Variants in F13A1 observed in about 807,000 individuals in gnomAD.
F13A1 encodes FSF, A subunit.
In F13A1, 47 loss-of-function variants were observed where a neutral mutation model predicts 80.1. The observed-to-expected ratio is 0.59, with a 90% confidence interval of 0.46 to 0.75. The LOEUF (loss-of-function observed/expected upper bound fraction) is 0.75, where lower values mean the gene tolerates loss of function less well. Ranked by LOEUF, F13A1 falls within the 30% of genes least tolerant of loss-of-function variation. The probability of loss-of-function intolerance (pLI) is 0.00; values close to 1 mark genes in which losing one functional copy is unlikely to be tolerated. For missense variants in F13A1, 817 were observed against 930.4 expected (o/e 0.88, Z 1.59); for synonymous variants, 349 against 344.9 (o/e 1.01, Z -0.13).
intron 6 of F13A1, among the ~76,000 whole-genome samples, chr6:6,228,731 C>CAAAAAAA (rs35068752): frequency 1.4e-5 from 1 of 72,682 alleles, no homozygotes; most frequent in Non-Finnish European, 2.7e-5. Flanking sequence ...GATCCTGTCT[C>CAAAAAAA]AAAAAAAAAA....
At chr6:6,209,924 A>C (rs1761571920) in intron 8 of F13A1, among the ~76,000 whole-genome samples, 1 of 152,086 alleles carries the variant, frequency 6.6e-6, no homozygotes, top group Non-Finnish European at 1.5e-5. Flanking sequence ...GTTATACAAG[A>C]CCACAAATAT....
intron 3 of F13A1, among the ~76,000 whole-genome samples, chr6:6,279,283 C>T: frequency 6.6e-6 from 1 of 152,120 alleles, no homozygotes; most frequent in East Asian, 1.9e-4. Context: ...TCTATCAATC[C>T]ATGAAGGCTA....
chr6:6,169,267 G>A (rs1008157211), intron 12 of F13A1: 1 of 152,434 alleles, frequency 6.6e-6, no homozygotes, highest in Non-Finnish European at 1.5e-5. Flanking sequence ...TGGAAGGGAT[G>A]GCTTTCCAGT....
chr6:6,238,520 T>G (rs1757442130), intron 6 of F13A1, among the ~76,000 whole-genome samples: 1 of 152,188 alleles, frequency 6.6e-6, no homozygotes, highest in African/African-American at 2.4e-5. Context: ...ATGAAAAAAT[T>G]TGATTTTATA....
chr6:6,305,257 A>T (rs1423038143), intron 3 of F13A1, 94 bp downstream of exon 3: 2 of 1,383,942 alleles, frequency 1.4e-6, no homozygotes, highest in Non-Finnish European at 2.1e-6. Flanking sequence ...CTGTTGACAT[A>T]TGACACTAGG....
chr6:6,191,325 C>T (rs564920899), intron 10 of F13A1, among the ~76,000 whole-genome samples: 3 of 152,332 alleles, frequency 2.0e-5, no homozygotes, highest in East Asian at 1.9e-4. Flanking sequence ...TGTGAAAGCC[C>T]TACATTTACG....
intron 2 of F13A1, among the ~76,000 whole-genome samples, chr6:6,312,010 T>TTA (rs1281719274): frequency 6.8e-6 from 1 of 147,966 alleles, no homozygotes; most frequent in South Asian, 2.1e-4. Flanking sequence ...TGTATATATA[T>TTA]TATATATAAG....
At chr6:6,223,722 T>C (rs1757233520) in intron 7 of F13A1, among the ~76,000 whole-genome samples, 1 of 152,166 alleles carries the variant, frequency 6.6e-6, no homozygotes. Context: ...TCTTAGACTG[T>C]TGAGACTTTG....
chr6:6,176,615 C>A (rs1172401067), intron 11 of F13A1, among the ~76,000 whole-genome samples: 2 of 152,094 alleles, frequency 1.3e-5, no homozygotes, highest in Admixed American at 6.5e-5. Flanking sequence ...TGGTCTAGGA[C>A]AAGCATCAGC....
At chr6:6,146,055 T>C (rs1173291272) in intron 14 of F13A1, among the ~76,000 whole-genome samples, 5 of 152,108 alleles carry the variant, frequency 3.3e-5, no homozygotes, top group Non-Finnish European at 5.9e-5. Flanking sequence ...CTGATTCCCA[T>C]CCAACCATTA....
In F13A1 at chr6:6,202,990, C is replaced by T. The variant is rs190415622; in HGVS notation, c.1113-5664G>A. 1.9e-3 allele frequency among the ~76,000 whole-genome samples: 291 copies of T among 152,140 alleles called. 1 individual carries two copies. Among genetic ancestry groups the T allele is most frequent in the African/African-American group, 6.5e-3 (270 of 41,496 alleles). Reference sequence around the variant, plus strand: ...AATCCATGTGCTTTGAATTTGTACACGGGAAATAATCATACAAATGCAAAG... The same window carrying T: ...AATCCATGTGCTTTGAATTTGTACATGGGAAATAATCATACAAATGCAAAG... On this transcript the variant is annotated intron_variant, in intron 8 of 14. Coordinates refer to ENST00000264870, the MANE Select transcript of F13A1 (RefSeq NM_000129.4).
At chr6:6,156,112 T>C (rs1255374299) in intron 13 of F13A1, among the ~76,000 whole-genome samples, 1 of 152,218 alleles carries the variant, frequency 6.6e-6, no homozygotes, top group East Asian at 1.9e-4. Context: ...CTTTTGCATA[T>C]ACTTGATGGC....
intron 8 of F13A1, among the ~76,000 whole-genome samples, chr6:6,199,762 G>A (rs1761359173): frequency 6.6e-6 from 1 of 152,190 alleles, no homozygotes; most frequent in Non-Finnish European, 1.5e-5. Flanking sequence ...GCAAATCTCT[G>A]TTCGTGGAAG....
rs1456791064 is a variant in F13A1, at chr6:6,162,914, C to T, written c.1908+4544G>A. On this transcript the variant is annotated intron_variant, in intron 13 of 14. Coordinates refer to ENST00000264870, the MANE Select transcript of F13A1 (RefSeq NM_000129.4). This position sits in a 1 kb window ranked among gnomAD's most constrained non-coding sequence, Gnocchi z 4.2. ...GCTACAAGGCACTGCCTTCTCTGGT[C>T]CTCTCAGTTTTCTAATCAGTAAAAT... is the stretch of plus-strand genomic sequence containing the variant. Among the ~76,000 whole-genome samples, 1 of 152,218 alleles carries T rather than the reference C, an allele frequency of 6.6e-6. No individual in the cohort carries two copies. Among genetic ancestry groups the T allele is most frequent in the African/African-American group, 2.4e-5 (1 of 41,454 alleles).
Position 6,151,800 on chromosome 6 carries a change from A to G in F13A1, c.2045+13T>C, listed in dbSNP as rs1760381799. On this transcript the variant is annotated intron_variant, in intron 14 of 14. Transcript: ENST00000264870. ...CTGCACTGCCTGCCCGGTCTCCCCA[A>G]CCCAAGGTTTACCGGAACATCTTCT... The G allele has an allele frequency of 6.2e-7, 1 of 1,613,854 alleles. No homozygotes were observed. Among genetic ancestry groups the G allele is most frequent in the South Asian group, 1.1e-5 (1 of 91,080 alleles).
At chr6:6,281,732 G>A (rs1416743195) in intron 3 of F13A1, among the ~76,000 whole-genome samples, 3 of 151,866 alleles carry the variant, frequency 2.0e-5, no homozygotes, top group African/African-American at 7.3e-5. Flanking sequence ...GGTGGCTCAC[G>A]CCTGTAATCC....
intron 4 of F13A1, among the ~76,000 whole-genome samples, chr6:6,261,038 G>T (rs1016609672): frequency 6.6e-6 from 1 of 151,946 alleles, no homozygotes; most frequent in Non-Finnish European, 1.5e-5. Context: ...GTACGATCTC[G>T]GCTCACTGCA....
At chr6:6,157,514 G>C (rs774402754) in intron 13 of F13A1, among the ~76,000 whole-genome samples, 1 of 151,678 alleles carries the variant, frequency 6.6e-6, no homozygotes, top group Non-Finnish European at 1.5e-5. Context: ...TTAAGTTATC[G>C]CTAAACCATC....
At chr6:6,310,493 T>C (rs1758574870) in intron 2 of F13A1, among the ~76,000 whole-genome samples, 1 of 152,184 alleles carries the variant, frequency 6.6e-6, no homozygotes, top group African/African-American at 2.4e-5. Context: ...AAGTACATTC[T>C]TAATAAATGT....
Sources: allele counts gnomAD v4.1 joint callset (sites outside exome capture counted in the v4.1 genomes callset), GRCh38; gene constraint gnomAD v4.1.1; non-coding constraint Gnocchi (gnomAD v3.1); transcripts MANE v1.5; gene names NCBI Gene and HGNC (gene_info 2026-07-23, HGNC 2026-07-21).